Variants in ARSH observed in about 807,000 individuals in gnomAD.
The protein encoded by ARSH is arylsulfatase H.
Under a neutral mutation model 28.7 loss-of-function variants are expected in ARSH, and 32 were observed. The ratio of observed to expected loss-of-function variants is 1.11; its 90% CI spans 0.84 to 1.50. The LOEUF (loss-of-function observed/expected upper bound fraction) is 1.50. Ranked by LOEUF, ARSH falls within the 40% of genes most tolerant of loss-of-function variation. The pLI is 0.00. For synonymous variants in ARSH, 176 were observed against 177.3 expected, an observed-to-expected ratio of 0.99 and a Z score of 0.06; for missense variants, 440 against 452.4, an observed-to-expected ratio of 0.97 and a Z score of 0.25.
At chrX:3,015,950 A>C (rs768756708) in intron 4 of ARSH, among the ~76,000 whole-genome samples, 13 of 111,473 alleles carry the variant, frequency 1.2e-4, no homozygotes, top group South Asian at 3.7e-4. Flanking sequence ...AAACCAAAAC[A>C]AAAACAAAAC....
At position 3,033,581 on chromosome X, in the gene ARSH, C is replaced by T; in HGVS notation, c.*196C>T. On this transcript the variant is annotated 3_prime_UTR_variant, in exon 9 of 9. Transcript: ENST00000381130. ...ATATAACAGTGAACCTGGAGGGGAGCATTTGTTGTATAATTTTTTTCTAGT... is the reference window on the plus strand; with the variant it reads ...ATATAACAGTGAACCTGGAGGGGAGTATTTGTTGTATAATTTTTTTCTAGT... 2.7e-6 allele frequency: 1 copy of T among 372,523 alleles called. No homozygotes were observed. The highest frequency in any genetic ancestry group is 7.4e-5 in the South Asian group (1 of 13,553). The allele number at this position is 372,523 out of a possible 1,213,427, so 30.7% of individuals were successfully genotyped here.
At chrX:3,030,431 T>A (rs766724588) in intron 8 of ARSH, among the ~76,000 whole-genome samples, 1 of 111,277 alleles carries the variant, frequency 9.0e-6, no homozygotes, top group Non-Finnish European at 1.9e-5. Context: ...CTAAGTGAGT[T>A]GTTACTATTT....
chrX:3,032,433 GGGGAA>G lies in ARSH; in HGVS notation c.1322-572_1322-568del, dbSNP rs201401989. Among the ~76,000 whole-genome samples, 665 of 104,146 alleles carry G rather than the reference GGGGAA, an allele frequency of 6.4e-3. 3 individuals carry two copies. The highest frequency in any genetic ancestry group is 0.022 in the African/African-American group (632 of 28,434). The allele number at this position is 104,146 out of a possible 115,157, so 90.4% of individuals were successfully genotyped here. On this transcript the variant is annotated intron_variant, in intron 8 of 8. Transcript: ENST00000381130. The stretch of plus-strand genomic sequence containing the variant: ...GGAAGGAAAGGAAGGAAGGAAGGAA[GGGGAA>G]GGGAAGGGAAGGAAGGGAAGTAAAG...
intron 2 of ARSH, among the ~76,000 whole-genome samples, chrX:3,012,827 T>A (rs1175015884): frequency 9.3e-6 from 1 of 107,713 alleles, no homozygotes; most frequent in African/African-American, 3.4e-5. Context: ...TGGATATAAC[T>A]AAGTGTCCCG....
chrX:3,030,353 G>T (rs2089910625), intron 8 of ARSH, among the ~76,000 whole-genome samples: 1 of 111,566 alleles, frequency 9.0e-6, no homozygotes, highest in African/African-American at 3.3e-5. Flanking sequence ...TTAGGACAGA[G>T]AAAATATCAG....
At chrX:3,029,164 C>T in intron 7 of ARSH, 83 bp from the exon 8 acceptor site, 1 of 1,018,126 alleles carries the variant, frequency 9.8e-7, no homozygotes, top group East Asian at 3.4e-5. Flanking sequence ...CCTCCTCCTC[C>T]TCCTCCTCTT....
intron 8 of ARSH, 99 bp downstream of exon 8, chrX:3,029,467 C>G: frequency 1.9e-6 from 2 of 1,034,889 alleles, no homozygotes; most frequent in Admixed American, 2.7e-5. Flanking sequence ...AGATATTGCC[C>G]AGCTATGATG....
chrX:3,010,054 A>C lies in ARSH; in HGVS notation c.117A>C (p.Ala39=), dbSNP rs147193335. The C allele has an allele frequency of 5.9e-4, 717 of 1,209,460 alleles. 1 individual carries two copies. Among genetic ancestry groups the C allele is most frequent in the Non-Finnish European group, 7.7e-4 (689 of 895,039 alleles). The change falls in exon 2 of 9, where the codon GCA becomes GCC. Residue 39 remains alanine (A), a synonymous_variant. Transcript: ENST00000381130. ...GCACACCTAATATTGACCGCCTGGC[A>C]AGTGAAGGAGTGAGGCTTACCCAGC... ...SVSTPNIDRL[A]SEGVRLTQHL...
intron 5 of ARSH, among the ~76,000 whole-genome samples, chrX:3,021,961 C>T (rs543946457): frequency 1.8e-5 from 2 of 108,663 alleles, no homozygotes; most frequent in South Asian, 4.1e-4. Flanking sequence ...AGGCTGGTCT[C>T]GAACTCTTGG....
chrX:3,023,630 AT>A (rs2089890474), intron 5 of ARSH, among the ~76,000 whole-genome samples: 1 of 107,092 alleles, frequency 9.3e-6, no homozygotes, highest in Non-Finnish European at 1.9e-5. Context: ...ATATATAACA[AT>A]TCTTTATGCA....
At chrX:3,027,774 T>G (rs1474044396) in intron 7 of ARSH, among the ~76,000 whole-genome samples, 1 of 112,055 alleles carries the variant, frequency 8.9e-6, no homozygotes, top group Non-Finnish European at 1.9e-5. Flanking sequence ...TAGACCATTA[T>G]GCAATTAAGT....
intron 2 of ARSH, among the ~76,000 whole-genome samples, chrX:3,010,844 T>C (rs1603463305): frequency 8.9e-6 from 1 of 111,979 alleles, no homozygotes; most frequent in East Asian, 2.8e-4. Context: ...TTAATTCTAG[T>C]ATTTGCTTGT....
chrX:3,028,418 C>T (rs1457943291), intron 7 of ARSH, among the ~76,000 whole-genome samples: 20 of 108,709 alleles, frequency 1.8e-4, no homozygotes, highest in African/African-American at 6.4e-4. Context: ...AGCATGTTGG[C>T]CAGGATGGTC....
In ARSH at chrX:3,032,990, A is replaced by G. The variant is rs1223760329; in HGVS notation, c.1322-28A>G. On this transcript the variant is annotated intron_variant, in intron 8 of 8. Transcript: ENST00000381130. ...GTCCTAAAATCACCACAAAGATGGT[A>G]TCATACATAATGCAACTTGTTTTTT... 6 of 1,187,718 alleles carry G rather than the reference A, an allele frequency of 5.1e-6. No homozygotes were observed. The South Asian group carries it at 9.4e-5, about 19-fold the overall frequency.
intron 2 of ARSH, among the ~76,000 whole-genome samples, chrX:3,012,644 G>C (rs1409951446): frequency 3.1e-5 from 2 of 65,256 alleles, no homozygotes; most frequent in Non-Finnish European, 5.4e-5. Context: ...ATATGAAAAA[G>C]AAATTGTCAC....
intron 6 of ARSH, among the ~76,000 whole-genome samples, chrX:3,026,338 A>G (rs140828633): frequency 9.0e-6 from 1 of 111,471 alleles, no homozygotes; most frequent in Non-Finnish European, 1.9e-5. Context: ...GAATGGTGCC[A>G]AGAAGCTGAG....
intron 8 of ARSH, among the ~76,000 whole-genome samples, chrX:3,032,658 T>C (rs1282696686): frequency 8.9e-6 from 1 of 112,278 alleles, no homozygotes; most frequent in Non-Finnish European, 1.9e-5. Flanking sequence ...GCCAAATTAC[T>C]TTTGTCAATT....
chrX:3,022,676 T>G (rs1481714447), intron 5 of ARSH, among the ~76,000 whole-genome samples: 2 of 112,118 alleles, frequency 1.8e-5, no homozygotes, highest in Non-Finnish European at 3.8e-5. Context: ...AAAACTGTCC[T>G]CCTGAGGGAT....
At chrX:3,023,850 C>G (rs906312816) in intron 5 of ARSH, among the ~76,000 whole-genome samples, 171 bp from the exon 6 acceptor site, 24 of 108,804 alleles carry the variant, frequency 2.2e-4, no homozygotes, top group African/African-American at 7.0e-4. Context: ...ATATTACGTA[C>G]AGTTTAAAAT....
Sources: allele counts gnomAD v4.1 joint callset (sites outside exome capture counted in the v4.1 genomes callset), GRCh38; gene constraint gnomAD v4.1.1; transcripts MANE v1.5; gene names NCBI Gene and HGNC (gene_info 2026-07-23, HGNC 2026-07-21).